Variants in DIP2C observed in about 807,000 individuals in gnomAD.
DIP2C encodes the protein disco-interacting protein 2 homolog C.
Under a neutral mutation model 192.4 loss-of-function variants are expected in DIP2C, and 33 were observed. The ratio of observed to expected loss-of-function variants is 0.17; its 90% CI spans 0.13 to 0.23. The LOEUF is 0.23. DIP2C is among the 10% of genes least tolerant of loss of function. The pLI, the probability that DIP2C is intolerant of heterozygous loss-of-function variation, is 1.00. For missense variants in DIP2C, 1,537 were observed against 2,110.1 expected (o/e 0.73, Z 5.32); for synonymous variants, 979 against 864.1 (o/e 1.13, Z -2.33).
At chr10:543,373 G>A (rs1037698295) in intron 1 of DIP2C, among the ~76,000 whole-genome samples, 4 of 152,234 alleles carry the variant, frequency 2.6e-5, no homozygotes, top group African/African-American at 9.6e-5. Context: ...GAGCTGTGCA[G>A]GGAGATCTAA....
At chr10:579,999 CAT>C (rs1292389335) in intron 1 of DIP2C, among the ~76,000 whole-genome samples, 3 of 151,896 alleles carry the variant, frequency 2.0e-5, no homozygotes, top group African/African-American at 7.3e-5. Flanking sequence ...TACACTATAA[CAT>C]GTATGTACAT....
chr10:309,491 G>T, intron 32 of DIP2C, among the ~76,000 whole-genome samples: 1 of 151,970 alleles, frequency 6.6e-6, no homozygotes. Flanking sequence ...CCAGTGAGAT[G>T]GTCAGATAAA....
At chr10:661,570 A>T (rs1475156504) in intron 1 of DIP2C, among the ~76,000 whole-genome samples, 1 of 152,132 alleles carries the variant, frequency 6.6e-6, no homozygotes, top group Non-Finnish European at 1.5e-5. Flanking sequence ...TTTGTCCTGG[A>T]AACTCTCGGC....
At chr10:634,495 A>C (rs1160417017) in intron 1 of DIP2C, among the ~76,000 whole-genome samples, 1 of 152,208 alleles carries the variant, frequency 6.6e-6, no homozygotes, top group Non-Finnish European at 1.5e-5. Flanking sequence ...GCCGTGGCTG[A>C]TGATGTCAGT....
chr10:487,340 A>G (rs1376394926), intron 1 of DIP2C, among the ~76,000 whole-genome samples: 1 of 152,222 alleles, frequency 6.6e-6, no homozygotes, highest in Non-Finnish European at 1.5e-5. Flanking sequence ...TAACAAAAAT[A>G]TAGCAAATGA....
At chr10:435,995 T>C (rs1281474391) in intron 4 of DIP2C, among the ~76,000 whole-genome samples, 1 of 151,882 alleles carries the variant, frequency 6.6e-6, no homozygotes, top group Non-Finnish European at 1.5e-5. Flanking sequence ...GTACAATTAA[T>C]TTTATTAATA....
intron 1 of DIP2C, chr10:664,797 G>A (rs1856986609): frequency 6.6e-6 from 1 of 151,694 alleles, no homozygotes; most frequent in Non-Finnish European, 1.5e-5. Context: ...AAATATATAG[G>A]GAATTTTTAA....
intron 1 of DIP2C, among the ~76,000 whole-genome samples, chr10:549,689 G>A (rs763615729): frequency 7.9e-5 from 12 of 152,270 alleles, no homozygotes; most frequent in African/African-American, 1.2e-4. Flanking sequence ...TGGAGGCAGC[G>A]GGACAAGCCA....
intron 3 of DIP2C, among the ~76,000 whole-genome samples, chr10:448,228 A>T (rs1229625229): frequency 1.6e-5 from 1 of 63,488 alleles, no homozygotes; most frequent in Admixed American, 1.6e-4. Flanking sequence ...CCCGTCAATA[A>T]TCAGGATCAC....
intron 1 of DIP2C, among the ~76,000 whole-genome samples, chr10:603,298 C>CAAAAAAAAAAAAAAAAAAAAAAAAA (rs71376842): frequency 6.5e-5 from 3 of 45,880 alleles, no homozygotes; most frequent in African/African-American, 3.7e-4. Flanking sequence ...GACTCCATCT[C>CAAAAAAAAAAAAAAAAAAAAAAAAA]AAAAAAAAAA....
intron 1 of DIP2C, among the ~76,000 whole-genome samples, chr10:685,096 T>G (rs1368994325): frequency 1.6e-5 from 2 of 128,532 alleles, no homozygotes; most frequent in African/African-American, 6.1e-5. Context: ...ATTGCACCAC[T>G]GCACCCCAGC....
rs1564582372 is a variant in DIP2C at position 341,183 on chromosome 10, TAG to T, written c.3584+14_3584+15del. 1 of 1,613,788 alleles carries T rather than the reference TAG, an allele frequency of 6.2e-7. No individual in the cohort carries two copies. Among genetic ancestry groups the T allele is most frequent in the Non-Finnish European group, 8.5e-7 (1 of 1,179,966 alleles). On this transcript the variant is annotated intron_variant, in intron 29 of 36. Coordinates refer to ENST00000280886, the MANE Select transcript of DIP2C (RefSeq NM_014974.3). Reference sequence around the variant, plus strand: ...CATGATTTTTTTTAATGTAAAGATATAGAGAGGCATCTTACCTGCAGAGGCAC... The same window carrying T: ...CATGATTTTTTTTAATGTAAAGATATAGAGGCATCTTACCTGCAGAGGCAC...
intron 1 of DIP2C, among the ~76,000 whole-genome samples, chr10:607,978 C>G (rs942320157): frequency 2.0e-4 from 31 of 151,680 alleles, no homozygotes; most frequent in African/African-American, 7.3e-4. Context: ...CTACAGACAC[C>G]GTAATGAAAC....
intron 32 of DIP2C, among the ~76,000 whole-genome samples, chr10:300,746 G>C (rs1056866336): frequency 3.6e-4 from 54 of 148,434 alleles, no homozygotes; most frequent in African/African-American, 1.2e-3. Flanking sequence ...GCGGCCCTGA[G>C]CGTGTGGAGA....
chr10:574,733 G>A (rs916297943), intron 1 of DIP2C, among the ~76,000 whole-genome samples: 3 of 152,176 alleles, frequency 2.0e-5, no homozygotes, highest in Admixed American at 1.3e-4. Flanking sequence ...TCAAGGCCAT[G>A]GTACATAATA....
At chr10:576,547 C>T (rs1354139570) in intron 1 of DIP2C, among the ~76,000 whole-genome samples, 3 of 152,342 alleles carry the variant, frequency 2.0e-5, no homozygotes, top group Admixed American at 1.3e-4. Flanking sequence ...ACATTCATTT[C>T]AATTGTGCTT....
intron 1 of DIP2C, among the ~76,000 whole-genome samples, chr10:548,112 G>A (rs1485289688): frequency 6.6e-6 from 1 of 151,976 alleles, no homozygotes; most frequent in Non-Finnish European, 1.5e-5. Flanking sequence ...CAAACCAGGT[G>A]GTGTGGTGGT....
intron 31 of DIP2C, among the ~76,000 whole-genome samples, chr10:315,602 C>CT (rs1270534049): frequency 1.3e-5 from 2 of 152,210 alleles, no homozygotes; most frequent in African/African-American, 4.8e-5. Flanking sequence ...TCTGCAGGGA[C>CT]TTTAAGATTG....
At chr10:586,384 G>T (rs906367183) in intron 1 of DIP2C, among the ~76,000 whole-genome samples, 3 of 152,112 alleles carry the variant, frequency 2.0e-5, no homozygotes, top group Non-Finnish European at 2.9e-5. Flanking sequence ...CCCACCACAA[G>T]CGGCCTTGCT....
Sources: gnomAD v4.1 joint callset for allele counts (sites outside exome capture counted in the v4.1 genomes callset) on GRCh38, gnomAD v4.1.1 for gene constraint, MANE v1.5 for transcripts, NCBI Gene and HGNC (gene_info 2026-07-23, HGNC 2026-07-21) for gene names.